The following KCNC1 variants were observed in gnomAD, a reference collection of about 807,000 sequenced individuals.
KCNC1 encodes voltage-gated potassium channel KCNC1.
In KCNC1, 8 loss-of-function variants were observed where a neutral mutation model predicts 43.4. The ratio of observed to expected loss-of-function variants is 0.18; its 90% CI spans 0.11 to 0.33. The LOEUF is 0.33. Ranked by LOEUF, KCNC1 falls within the 10% of genes least tolerant of loss-of-function variation. The pLI is 1.00. For missense variants in KCNC1, 420 were observed against 836.0 expected, an observed-to-expected ratio of 0.50 and a Z score of 6.14; for synonymous variants, 361 against 360.5, an observed-to-expected ratio of 1.00 and a Z score of -0.01.
chr11:17,753,646 T>C (rs1848992944), intron 1 of KCNC1, among the ~76,000 whole-genome samples: 1 of 152,118 alleles, frequency 6.6e-6, no homozygotes, highest in Non-Finnish European at 1.5e-5. Flanking sequence ...CAAAAAGAAA[T>C]TGACATTTCC....
chr11:17,771,800 T>G lies in KCNC1; in HGVS notation c.706T>G (p.Tyr236Asp). The change falls in exon 2 of 4, where the codon TAC (tyrosine) becomes GAC (aspartate). Residue 236 changes from tyrosine (Y) to aspartate (D), a missense_variant. Tyr to Asp is a radical substitution (Grantham distance 160). Transcript: ENST00000265969. The surrounding 1 kb of genome is among the most constrained non-coding windows in gnomAD (Gnocchi z 4.7). ...NVRNGTQVRYYREAETEAFLT... is the reference protein window; with the variant it reads ...NVRNGTQVRYDREAETEAFLT... ...TCGCAATGGCACGCAAGTGCGCTAC[T>G]ACCGGGAGGCCGAGACGGAGGCCTT... The G allele has an allele frequency of 6.2e-7, 1 of 1,614,256 alleles. No homozygotes were observed. Among genetic ancestry groups the G allele is most frequent in the Non-Finnish European group, 8.5e-7 (1 of 1,180,034 alleles).
In KCNC1 at chr11:17,782,851, C is replaced by A. The variant is rs948015693; in HGVS notation, c.*1117C>A. 1 of 149,666 alleles carries A rather than the reference C, an allele frequency of 6.7e-6. No individual in the cohort carries two copies. Among genetic ancestry groups the A allele is most frequent in the Admixed American group, 6.7e-5 (1 of 14,974 alleles). 9.3% of individuals were successfully genotyped at this position (149,666 alleles called of 1,614,324 possible). ...ACAGAAACAGAGGACAGTAGCTTGGCTTTGGTCTGATTCTAAAATTAGTGG... is the reference window on the plus strand; with the variant it reads ...ACAGAAACAGAGGACAGTAGCTTGGATTTGGTCTGATTCTAAAATTAGTGG... On this transcript the variant is annotated 3_prime_UTR_variant, in exon 4 of 4. Coordinates refer to ENST00000265969, the MANE Select transcript of KCNC1 (RefSeq NM_001112741.2).
chr11:17,775,548 G>A (rs1849275866), intron 2 of KCNC1: 2 of 985,528 alleles, frequency 2.0e-6, no homozygotes, highest in South Asian at 9.4e-5. Flanking sequence ...CTAGGGCTGA[G>A]GGGCCCAGGA....
At chr11:17,775,227 C>A in intron 2 of KCNC1, 1 of 985,630 alleles carries the variant, frequency 1.0e-6, no homozygotes, top group Non-Finnish European at 1.2e-6. Context: ...TCTCCAATTC[C>A]ACTTTTAAAA....
At chr11:17,775,019 T>A in intron 2 of KCNC1, 1 of 985,394 alleles carries the variant, frequency 1.0e-6, no homozygotes, top group Non-Finnish European at 1.2e-6. Flanking sequence ...ATTCACCTTT[T>A]TTCCTGCTTG....
intron 1 of KCNC1, among the ~76,000 whole-genome samples, chr11:17,762,715 C>T (rs1415706801): frequency 6.6e-6 from 1 of 152,254 alleles, no homozygotes; most frequent in Admixed American, 6.5e-5. Flanking sequence ...AATCGCCACA[C>T]TGGAGCCCAG....
At chr11:17,749,535 A>C (rs1454476920) in intron 1 of KCNC1, among the ~76,000 whole-genome samples, 1 of 152,174 alleles carries the variant, frequency 6.6e-6, no homozygotes, top group Non-Finnish European at 1.5e-5. Context: ...GGCAGTGAAC[A>C]CACCTCAGGC....
rs981976972 is a variant in KCNC1, at chr11:17,776,897, A to G, written c.1505-2559A>G. On this transcript the variant is annotated intron_variant, in intron 2 of 3. Coordinates refer to ENST00000265969, the MANE Select transcript of KCNC1 (RefSeq NM_001112741.2). This position sits in a 1 kb window ranked among gnomAD's most constrained non-coding sequence, Gnocchi z 4.4. ...AGCATCTTAAACCATAGATAGACGAACAGCCCAGGGGCCTGGGCCCCTTCA... is the reference window on the plus strand; with the variant it reads ...AGCATCTTAAACCATAGATAGACGAGCAGCCCAGGGGCCTGGGCCCCTTCA... 2 of 985,246 alleles carry G rather than the reference A, an allele frequency of 2.0e-6. No homozygotes were observed. Among genetic ancestry groups the G allele is most frequent in the African/African-American group, 3.5e-5 (2 of 57,200 alleles). 61.0% of individuals were successfully genotyped at this position (985,246 alleles called of 1,614,324 possible).
chr11:17,748,991 A>G (rs1479289663), intron 1 of KCNC1, among the ~76,000 whole-genome samples: 1 of 152,046 alleles, frequency 6.6e-6, no homozygotes, highest in Non-Finnish European at 1.5e-5. Context: ...CCGGGGAGAG[A>G]TCATGTGAGC....
chr11:17,743,245 A>T (rs1173923523), intron 1 of KCNC1, among the ~76,000 whole-genome samples: 2 of 152,258 alleles, frequency 1.3e-5, no homozygotes, highest in Non-Finnish European at 2.9e-5. Flanking sequence ...TGGAGCCAGC[A>T]GTCAGACCTC....
chr11:17,780,691 A>G (rs1476841958), intron 3 of KCNC1: 3 of 152,430 alleles, frequency 2.0e-5, no homozygotes, highest in Non-Finnish European at 1.5e-5. Flanking sequence ...CAGTATTTGA[A>G]GTGATTAAAC....
chr11:17,779,817 C>T lies in KCNC1; in HGVS notation c.1693+173C>T. On this transcript the variant is annotated intron_variant, in intron 3 of 3. Coordinates refer to ENST00000265969, the MANE Select transcript of KCNC1 (RefSeq NM_001112741.2). This position sits in a 1 kb window ranked among gnomAD's most constrained non-coding sequence, Gnocchi z 7.2. ...CCTGGAGGGCTGAGGCCCTTCCCCC[C>T]AAGTGAGATGTCAGGCTGGCAGAGA... 4.1e-6 allele frequency: 2 copies of T among 482,076 alleles called. No individual in the cohort carries two copies. Among genetic ancestry groups the T allele is most frequent in the Middle Eastern group, 5.3e-4 (1 of 1,886 alleles). 29.9% of individuals were successfully genotyped at this position (482,076 alleles called of 1,614,324 possible).
intron 1 of KCNC1, among the ~76,000 whole-genome samples, chr11:17,760,137 G>GAA (rs111321146): frequency 6.6e-6 from 1 of 151,856 alleles, no homozygotes; most frequent in Non-Finnish European, 1.5e-5. Context: ...AAATAAAGAA[G>GAA]AAAAAATACA....
At position 17,776,710 on chromosome 11, in the gene KCNC1, TC is replaced by T. The variant is rs939593959; in HGVS notation, c.1505-2744del. 1.0e-6 allele frequency: 1 copy of T among 985,116 alleles called. No homozygotes were observed. The highest frequency in any genetic ancestry group is 1.2e-6 in the Non-Finnish European group (1 of 829,934). The allele number at this position is 985,116 out of a possible 1,614,324, so 61.0% of individuals were successfully genotyped here. On this transcript the variant is annotated intron_variant, in intron 2 of 3. Transcript: ENST00000265969. This position sits in a 1 kb window ranked among gnomAD's most constrained non-coding sequence, Gnocchi z 4.4. The stretch of plus-strand genomic sequence containing the variant: ...CTGGAAAGCAGGTGGGAATGGAGGC[TC>T]CTAGCCACTATCTCATCCAAAGGAT...
At chr11:17,747,292 C>A (rs548769665) in intron 1 of KCNC1, among the ~76,000 whole-genome samples, 1 of 152,172 alleles carries the variant, frequency 6.6e-6, no homozygotes, top group African/African-American at 2.4e-5. Flanking sequence ...GGTTATGGGC[C>A]GCTTGTCCCT....
At position 17,739,362 on chromosome 11, in the gene KCNC1, CGTGTGTGTGTGTGTGT is replaced by C. The variant is rs35211986; in HGVS notation, c.570+2812_570+2827del. 1.7e-3 allele frequency among the ~76,000 whole-genome samples: 260 copies of C among 148,930 alleles called. No individual in the cohort carries two copies. Among genetic ancestry groups the C allele is most frequent in the Middle Eastern group, 0.01 (3 of 288 alleles). On this transcript the variant is annotated intron_variant, in intron 1 of 3. Transcript: ENST00000265969. The surrounding 1 kb of genome is among the most constrained non-coding windows in gnomAD (Gnocchi z 4.2). ...GTGAGAATAAATGTGAGACTCCAGG[CGTGTGTGTGTGTGTGT>C]GTGTGTGTGTGTGTGTGTGTGGTGA...
chr11:17,742,273 G>C lies in KCNC1; in HGVS notation c.570+5701G>C, dbSNP rs1197321911. ...GCAGGAGGCCTGGCCTCTGCCAGAA[G>C]CTTTGGAGGGGATTGGCTGAAGTCT... is the stretch of plus-strand genomic sequence containing the variant. On this transcript the variant is annotated intron_variant, in intron 1 of 3. Transcript: ENST00000265969. This position sits in a 1 kb window ranked among gnomAD's most constrained non-coding sequence, Gnocchi z 4.2. Among the ~76,000 whole-genome samples the C allele has an allele frequency of 6.6e-6, 1 of 152,126 alleles. No homozygotes were observed. The highest frequency in any genetic ancestry group is 1.9e-4 in the East Asian group (1 of 5,194).
At chr11:17,737,425 A>G (rs574597811) in intron 1 of KCNC1, among the ~76,000 whole-genome samples, 19 of 152,144 alleles carry the variant, frequency 1.2e-4, no homozygotes, top group African/African-American at 4.6e-4. Flanking sequence ...GCGTGTCTTC[A>G]TGGGCCACTC....
intron 1 of KCNC1, among the ~76,000 whole-genome samples, chr11:17,764,616 C>G: frequency 6.6e-6 from 1 of 152,336 alleles, no homozygotes; most frequent in South Asian, 2.1e-4. Context: ...ACACCCTCCA[C>G]GGAGCACCTT....
Sources: allele counts gnomAD v4.1 joint callset (sites outside exome capture counted in the v4.1 genomes callset), GRCh38; gene constraint gnomAD v4.1.1; non-coding constraint Gnocchi (gnomAD v3.1); transcripts MANE v1.5; gene names NCBI Gene and HGNC (gene_info 2026-07-23, HGNC 2026-07-21).